XKR9: variants seen among roughly 807,000 people sequenced by gnomAD.
XKR9 encodes XK related 9, also known as XK-related protein 9.
XKR9 carries 32 observed loss-of-function variants against 32.0 expected under a neutral mutation model. That is an observed-to-expected ratio of 1.00 (90% CI 0.76 to 1.34). The LOEUF (loss-of-function observed/expected upper bound fraction) is 1.34, where lower values mean the gene tolerates loss of function less well. XKR9 is among the 40% of genes most tolerant of loss of function. The probability of loss-of-function intolerance (pLI) is 0.00; values close to 1 mark genes in which losing one functional copy is unlikely to be tolerated. For synonymous variants in XKR9, 168 were observed against 143.4 expected, an observed-to-expected ratio of 1.17 and a Z score of -1.22; for missense variants, 546 against 429.7, an observed-to-expected ratio of 1.27 and a Z score of -2.39.
At chr8:70,816,448 T>A in the XKR9 span, among the ~76,000 whole-genome samples, 5 of 152,340 alleles carry the variant, frequency 3.3e-5, no homozygotes, top group African/African-American at 9.6e-5. Context: ...TGTATGTTTA[T>A]AGCAGCACTA....
chr8:71,013,239 A>T, the XKR9 span, among the ~76,000 whole-genome samples: 2 of 152,128 alleles, frequency 1.3e-5, no homozygotes, highest in African/African-American at 4.8e-5. Flanking sequence ...CTGAATATAG[A>T]TGAAGGGTAG....
the XKR9 span, among the ~76,000 whole-genome samples, chr8:71,035,535 G>C: frequency 6.6e-6 from 1 of 152,144 alleles, no homozygotes; most frequent in Admixed American, 6.5e-5. Flanking sequence ...ATAGGAATTT[G>C]GTGGCAGAAT....
chr8:70,903,509 A>C, the XKR9 span, among the ~76,000 whole-genome samples: 1 of 151,708 alleles, frequency 6.6e-6, no homozygotes, highest in African/African-American at 2.4e-5. Context: ...TTTATTGTGT[A>C]TATTTTATTC....
At chr8:70,976,566 C>G in the XKR9 span, among the ~76,000 whole-genome samples, 2 of 152,142 alleles carry the variant, frequency 1.3e-5, no homozygotes, top group African/African-American at 2.4e-5. Context: ...AGGGATGAAG[C>G]CCACTTGATC....
the XKR9 span, among the ~76,000 whole-genome samples, chr8:70,957,934 T>C: frequency 6.6e-6 from 1 of 151,804 alleles, no homozygotes; most frequent in Non-Finnish European, 1.5e-5. Flanking sequence ...ACTACAGACA[T>C]GTGCCACCAC....
the XKR9 span, among the ~76,000 whole-genome samples, chr8:71,060,707 C>T: frequency 2.0e-5 from 3 of 152,132 alleles, no homozygotes; most frequent in Admixed American, 2.0e-4. Context: ...AAAAAAACAA[C>T]AGACAATATC....
chr8:70,949,649 G>C, the XKR9 span, among the ~76,000 whole-genome samples: 48,091 of 151,586 alleles, frequency 0.32, 8,926 homozygotes, highest in Non-Finnish European at 0.43. Context: ...GGCTATGACA[G>C]GGTCACAAGC....
intron 4 of XKR9, among the ~76,000 whole-genome samples, chr8:70,726,638 G>A (rs1806479855): frequency 6.6e-6 from 1 of 152,208 alleles, no homozygotes; most frequent in Non-Finnish European, 1.5e-5. Flanking sequence ...TACAATCAAA[G>A]CAATGGCTAC....
chr8:70,812,642 C>A, the XKR9 span, among the ~76,000 whole-genome samples: 1 of 152,088 alleles, frequency 6.6e-6, no homozygotes, highest in Non-Finnish European at 1.5e-5. Flanking sequence ...TTCTTATACA[C>A]CAATAACAGA....
chr8:70,690,501 T>A (rs1022806790), intron 3 of XKR9, among the ~76,000 whole-genome samples: 1 of 56,088 alleles, frequency 1.8e-5, no homozygotes, highest in East Asian at 2.3e-4. Context: ...GCCCAGCTAG[T>A]TTTTTTTTTT....
At chr8:70,938,682 A>G in the XKR9 span, among the ~76,000 whole-genome samples, 1 of 152,048 alleles carries the variant, frequency 6.6e-6, no homozygotes, top group Non-Finnish European at 1.5e-5. Context: ...CTGGGATATG[A>G]CTAATTTTTC....
the XKR9 span, among the ~76,000 whole-genome samples, chr8:71,035,259 A>C: frequency 6.6e-6 from 1 of 152,362 alleles, no homozygotes; most frequent in East Asian, 1.9e-4. Context: ...GGAGTGATTT[A>C]TAAACAAGAA....
chr8:70,698,850 T>C (rs1338527277), intron 3 of XKR9, among the ~76,000 whole-genome samples: 53 of 150,586 alleles, frequency 3.5e-4, no homozygotes, highest in African/African-American at 3.9e-4. Context: ...CGGGACTTGC[T>C]TTATGAATCT....
chr8:70,961,219 T>G, the XKR9 span, among the ~76,000 whole-genome samples: 1 of 151,816 alleles, frequency 6.6e-6, no homozygotes, highest in African/African-American at 2.4e-5. Context: ...CAGTGGAAAG[T>G]CAAGTCAGAA....
the XKR9 span, among the ~76,000 whole-genome samples, chr8:71,015,815 A>G: frequency 6.6e-6 from 1 of 152,320 alleles, no homozygotes; most frequent in East Asian, 1.9e-4. Context: ...TTTATCTTAC[A>G]AATGTTAAAT....
chr8:70,856,000 C>G, the XKR9 span, among the ~76,000 whole-genome samples: 2 of 152,170 alleles, frequency 1.3e-5, no homozygotes, highest in Non-Finnish European at 2.9e-5. Context: ...AAAGGAACAA[C>G]TGGTATCAGC....
chr8:70,700,530 C>T (rs1031434931), intron 3 of XKR9, among the ~76,000 whole-genome samples: 3 of 152,138 alleles, frequency 2.0e-5, no homozygotes, highest in Non-Finnish European at 2.9e-5. Flanking sequence ...GCTGTCTGAT[C>T]GTTCCTCTGG....
At chr8:71,021,389 A>G in the XKR9 span, among the ~76,000 whole-genome samples, 1 of 151,918 alleles carries the variant, frequency 6.6e-6, no homozygotes, top group South Asian at 2.1e-4. Flanking sequence ...TTGCTTGTTC[A>G]ATTATTTCAG....
chr8:70,719,071 T>C (rs1039099689), intron 4 of XKR9, among the ~76,000 whole-genome samples: 11 of 152,214 alleles, frequency 7.2e-5, no homozygotes, highest in African/African-American at 1.2e-4. Flanking sequence ...TGACCAGTTA[T>C]GATGAGTTTT....
Sources: gnomAD v4.1 joint callset for allele counts (sites outside exome capture counted in the v4.1 genomes callset) on GRCh38, gnomAD v4.1.1 for gene constraint, MANE v1.5 for transcripts, NCBI Gene and HGNC (gene_info 2026-07-23, HGNC 2026-07-21) for gene names.